RAD51B: variants seen among roughly 807,000 people sequenced by gnomAD.
The protein encoded by RAD51B is RAD51 paralog B, also known as DNA repair protein RAD51 homolog 2.
In RAD51B, 38 loss-of-function variants were observed where a neutral mutation model predicts 42.2. The ratio of observed to expected loss-of-function variants is 0.90; its 90% confidence interval spans 0.70 to 1.18. The LOEUF (loss-of-function observed/expected upper bound fraction) is 1.18, where lower values mean the gene tolerates loss of function less well. Ranked by LOEUF, RAD51B falls within the 50% of genes most tolerant of loss-of-function variation. The pLI is 0.00. For synonymous variants in RAD51B, 154 were observed against 145.2 expected (o/e 1.06, Z -0.43); for missense variants, 373 against 400.7 (o/e 0.93, Z 0.59).
At chr14:68,174,173 G>A (rs953521096) in intron 7 of RAD51B, among the ~76,000 whole-genome samples, 1 of 152,108 alleles carries the variant, frequency 6.6e-6, no homozygotes, top group Non-Finnish European at 1.5e-5. Context: ...GGAGGTGCTA[G>A]GAAGTTCCAC....
intron 8 of RAD51B, among the ~76,000 whole-genome samples, chr14:68,356,896 T>A (rs1315368513): frequency 7.0e-6 from 1 of 143,032 alleles, no homozygotes; most frequent in Non-Finnish European, 1.5e-5. Context: ...GGCAGGAGAA[T>A]GGCATGAACC....
chr14:67,942,928 T>C (rs1054479278), intron 7 of RAD51B, among the ~76,000 whole-genome samples: 6 of 152,150 alleles, frequency 3.9e-5, no homozygotes, highest in Admixed American at 3.9e-4. Context: ...ATTTTATGCA[T>C]GCTCCTTTCT....
At chr14:68,081,601 C>T (rs2076912840) in intron 7 of RAD51B, among the ~76,000 whole-genome samples, 1 of 152,272 alleles carries the variant, frequency 6.6e-6, no homozygotes, top group Middle Eastern at 3.4e-3. Flanking sequence ...TTTCAAAATT[C>T]TATTGGAGGC....
At chr14:67,976,367 G>A (rs563244576) in intron 7 of RAD51B, among the ~76,000 whole-genome samples, 3 of 152,028 alleles carry the variant, frequency 2.0e-5, no homozygotes, top group African/African-American at 4.8e-5. Context: ...ATCCTCTCAT[G>A]TTGGCCTCCC....
At chr14:67,928,455 G>A (rs755522674) in intron 7 of RAD51B, among the ~76,000 whole-genome samples, 3 of 152,000 alleles carry the variant, frequency 2.0e-5, no homozygotes, top group Non-Finnish European at 2.9e-5. Flanking sequence ...TGGAGGAGGC[G>A]GTGTCTGATT....
chr14:68,013,098 A>G (rs753549570), intron 7 of RAD51B, among the ~76,000 whole-genome samples: 26 of 151,818 alleles, frequency 1.7e-4, no homozygotes, highest in Non-Finnish European at 3.1e-4. Flanking sequence ...TGAGGCTGGA[A>G]CCTCAAAGGC....
intron 4 of RAD51B, among the ~76,000 whole-genome samples, chr14:67,862,826 A>G (rs1336208451): frequency 6.6e-6 from 1 of 152,130 alleles, no homozygotes; most frequent in Non-Finnish European, 1.5e-5. Context: ...GATCTTTTAT[A>G]TAAGTAATAA....
intron 7 of RAD51B, among the ~76,000 whole-genome samples, chr14:67,991,995 CTT>C (rs1426618934): frequency 1.3e-5 from 2 of 152,094 alleles, no homozygotes; most frequent in Non-Finnish European, 2.9e-5. Flanking sequence ...TAACAGAAAA[CTT>C]AATATGGGCA....
intron 10 of RAD51B, among the ~76,000 whole-genome samples, chr14:68,645,741 G>C (rs1027421993): frequency 6.6e-5 from 10 of 152,002 alleles, no homozygotes; most frequent in African/African-American, 2.4e-4. Flanking sequence ...ACATTATATT[G>C]CAAGCACTGT....
intron 7 of RAD51B, among the ~76,000 whole-genome samples, chr14:68,115,548 A>T (rs1270452239): frequency 6.6e-6 from 1 of 150,906 alleles, no homozygotes; most frequent in Non-Finnish European, 1.5e-5. Context: ...AGTATAAAAA[A>T]AAAAAAAAAA....
chr14:68,595,780 T>TATTA, exon 11 of RAD51B: 3 of 415,182 alleles, frequency 7.2e-6, no homozygotes, highest in Non-Finnish European at 1.1e-5. Flanking sequence ...GTTCACACCA[T>TATTA]ATTATTAAAG....
rs185895016 is a variant in RAD51B at position 68,326,799 on chromosome 14, G to A, written c.853+34819G>A. On this transcript the variant is annotated intron_variant, in intron 8 of 10. Coordinates refer to ENST00000471583, the MANE Select transcript of RAD51B (RefSeq NM_133510.4). ...AAGAGATGGTGCACTTTAGTATTCC[G>A]AGGCTAATTACAGTGGGGCTCCATT... Among the ~76,000 whole-genome samples the A allele has an allele frequency of 1.2e-4, 19 of 152,250 alleles. No homozygotes were observed. The East Asian group carries it at 2.1e-3, about 17-fold the overall frequency.
At chr14:68,487,784 A>G (rs549803579) in intron 10 of RAD51B, among the ~76,000 whole-genome samples, 1 of 152,350 alleles carries the variant, frequency 6.6e-6, no homozygotes, top group East Asian at 1.9e-4. Flanking sequence ...GTTGGATTAC[A>G]GGTGTGAGCC....
chr14:67,926,713 G>A (rs766286235), intron 7 of RAD51B, among the ~76,000 whole-genome samples: 7 of 151,768 alleles, frequency 4.6e-5, no homozygotes, highest in East Asian at 1.9e-4. Context: ...ACAGGCGTGC[G>A]CCACCACACC....
chr14:68,634,313 C>T (rs1366294125), intron 10 of RAD51B, among the ~76,000 whole-genome samples: 1 of 152,162 alleles, frequency 6.6e-6, no homozygotes, highest in Non-Finnish European at 1.5e-5. Context: ...TACACCATCC[C>T]AAAGTCACCT....
In RAD51B at chr14:68,194,450, C is replaced by T. The variant is rs149804319; in HGVS notation, c.757-97434C>T. Reference sequence around the variant, plus strand: ...AATTGAATAGACAACTCTTAACTATCAGGATCAACAAAAAAATGGTGTTAG... The same window carrying T: ...AATTGAATAGACAACTCTTAACTATTAGGATCAACAAAAAAATGGTGTTAG... On this transcript the variant is annotated intron_variant, in intron 7 of 10. Transcript: ENST00000471583. Among the ~76,000 whole-genome samples, 336 of 152,242 alleles carry T rather than the reference C, an allele frequency of 2.2e-3. 3 individuals are homozygous for T. The highest frequency in any genetic ancestry group is 7.5e-3 in the African/African-American group (313 of 41,552).
chr14:68,017,425 A>G (rs926578851), intron 7 of RAD51B, among the ~76,000 whole-genome samples: 3 of 152,020 alleles, frequency 2.0e-5, no homozygotes, highest in Admixed American at 1.3e-4. Flanking sequence ...TGAACTCCGG[A>G]GCTCAGGCAG....
Position 67,989,345 on chromosome 14 carries a change from A to G in RAD51B, c.756+102141A>G, listed in dbSNP as rs149669273. ...ATGGGTTTTGACCTTGCATTTAAAT[A>G]TGAAAATGAGGCCGGGCGCAGTGGC... On this transcript the variant is annotated intron_variant, in intron 7 of 10. Transcript: ENST00000471583. Among the ~76,000 whole-genome samples the G allele has an allele frequency of 8.5e-5, 13 of 152,344 alleles. No homozygotes were observed. In the East Asian group the frequency reaches 2.5e-3, roughly 29 times the overall value.
intron 9 of RAD51B, among the ~76,000 whole-genome samples, chr14:68,429,335 C>T (rs1395136445): frequency 6.6e-6 from 1 of 152,164 alleles, no homozygotes; most frequent in Non-Finnish European, 1.5e-5. Context: ...GCCACACTGA[C>T]TTCCACAATG....
Sources: allele counts gnomAD v4.1 joint callset (sites outside exome capture counted in the v4.1 genomes callset), GRCh38; gene constraint gnomAD v4.1.1; transcripts MANE v1.5; gene names NCBI Gene and HGNC (gene_info 2026-07-23, HGNC 2026-07-21).